Variants in RPAP1 observed in about 807,000 individuals in gnomAD.
The protein encoded by RPAP1 is RNA polymerase II-associated protein 1.
A neutral mutation model predicts 142.4 loss-of-function variants in RPAP1; 109 were observed. That is an observed-to-expected ratio of 0.77 (90% CI 0.66 to 0.90). RPAP1 has a LOEUF of 0.90. RPAP1 is among the 40% of genes least tolerant of loss of function. RPAP1 has a pLI of 0.00. For synonymous variants in RPAP1, 704 were observed against 738.9 expected (o/e 0.95, Z 0.77); for missense variants, 1,546 against 1,751.7 (o/e 0.88, Z 2.10).
chr15:41,535,990 A>G (rs1485136612), intron 4 of RPAP1, 139 bp downstream of exon 4: 1 of 646,580 alleles, frequency 1.5e-6, no homozygotes, highest in East Asian at 2.8e-5. Context: ...AAAAGAAGTA[A>G]TGGGTATGAA....
intron 4 of RPAP1, 146 bp from the exon 5 acceptor site, chr15:41,535,778 G>C (rs961883670): frequency 8.2e-7 from 1 of 1,213,866 alleles, no homozygotes; most frequent in Non-Finnish European, 1.1e-6. Flanking sequence ...TCAGAAAAAG[G>C]AGAGGTCTAT....
At position 41,528,035 on chromosome 15, in the gene RPAP1, C is replaced by T; in HGVS notation, c.1261-8G>A. On this transcript the variant is annotated splice_polypyrimidine_tract_variant and splice_region_variant and intron_variant, in intron 10 of 24. Coordinates refer to ENST00000304330, the MANE Select transcript of RPAP1 (RefSeq NM_015540.4). The stretch of plus-strand genomic sequence containing the variant: ...AAACTCACCAGCCTGGGCCTGAGGG[C>T]AGGAGGGTAAAACCTTGCTGAAGAT... The T allele has an allele frequency of 1.2e-6, 2 of 1,613,348 alleles. No individual in the cohort carries two copies. Among genetic ancestry groups the T allele is most frequent in the African/African-American group, 1.3e-5 (1 of 75,020 alleles).
chr15:41,534,402 G>C (rs2140782782), intron 6 of RPAP1, among the ~76,000 whole-genome samples: 1 of 150,040 alleles, frequency 6.7e-6, no homozygotes, highest in East Asian at 2.0e-4. Context: ...TAGGCAACAA[G>C]AGTGAAACTC....
chr15:41,526,277 G>A (rs1044004464), intron 14 of RPAP1, among the ~76,000 whole-genome samples: 2 of 152,118 alleles, frequency 1.3e-5, no homozygotes, highest in Admixed American at 1.3e-4. Flanking sequence ...ACGGGGTCTC[G>A]CCCTGTTGCC....
chr15:41,536,636 CA>C lies in RPAP1; in HGVS notation c.194del (p.Leu65CysfsTer31). 1.9e-6 allele frequency: 3 copies of C among 1,613,668 alleles called. No individual in the cohort carries two copies. The highest frequency in any genetic ancestry group is 2.5e-6 in the Non-Finnish European group (3 of 1,179,970). ...GAGGAGAAGGGACCAAAGCTGGGGGCAAATCTGGGAGATCTGAGAAAGAAAA... is the reference window on the plus strand; with the variant it reads ...GAGGAGAAGGGACCAAAGCTGGGGGCAATCTGGGAGATCTGAGAAAGAAAA... ...DVVMLDNLPD[L>X]PPALVPSPPK... On this transcript the variant is annotated frameshift_variant, in exon 3 of 25. Coordinates refer to ENST00000304330, the MANE Select transcript of RPAP1 (RefSeq NM_015540.4). LOFTEE classifies it high-confidence loss of function.
At chr15:41,535,067 C>A (rs78765950) in intron 5 of RPAP1, 132 bp from the exon 6 acceptor site, 2 of 809,730 alleles carry the variant, frequency 2.5e-6, no homozygotes, top group Non-Finnish European at 3.8e-6. Flanking sequence ...GTGGAGACCC[C>A]ACTGGGTCTG....
intron 22 of RPAP1, 122 bp downstream of exon 22, chr15:41,520,269 C>T: frequency 8.9e-7 from 1 of 1,126,488 alleles, no homozygotes; most frequent in Non-Finnish European, 1.3e-6. Context: ...TCTTAATCCC[C>T]TCAAAGCCCC....
At position 41,525,079 on chromosome 15, in the gene RPAP1, G is replaced by A. The variant is rs758182197; in HGVS notation, c.1987C>T (p.Pro663Ser). The A allele has an allele frequency of 5.6e-6, 9 of 1,613,900 alleles. No individual in the cohort carries two copies. Among genetic ancestry groups the A allele is most frequent in the South Asian group, 1.1e-5 (1 of 91,086 alleles). The change falls in exon 15 of 25, where the codon CCC becomes TCC. Residue 663 changes from proline to serine, a missense_variant. Coordinates refer to ENST00000304330, the MANE Select transcript of RPAP1 (RefSeq NM_015540.4). Reference protein sequence around the residue: ...IAEAPQELALPPEEAEMLSTE... With the variant: ...IAEAPQELALSPEEAEMLSTE... ...CTCAGCATCTCAGCTTCCTCTGGGG[G>A]CAAGGCCAGTTCTTGGGGAGCCTCA...
chr15:41,536,350 C>A, intron 3 of RPAP1, 132 bp from the exon 4 acceptor site: 1 of 1,312,650 alleles, frequency 7.6e-7, no homozygotes. Context: ...CCCTTCAGGG[C>A]AGTGATTCTA....
At chr15:41,539,517 C>T (rs956821594) in intron 1 of RPAP1, among the ~76,000 whole-genome samples, 8 of 151,874 alleles carry the variant, frequency 5.3e-5, no homozygotes, top group African/African-American at 1.7e-4. Context: ...AGGCTGATCT[C>T]GAACTCCTGA....
In RPAP1 at chr15:41,522,965, A is replaced by G. The variant is rs764196241; in HGVS notation, c.2547-5T>C. 2 of 1,522,776 alleles carry G rather than the reference A, an allele frequency of 1.3e-6. No individual in the cohort carries two copies. Among genetic ancestry groups the G allele is most frequent in the Admixed American group, 4.8e-5 (2 of 41,772 alleles). The allele number at this position is 1,522,776 out of a possible 1,614,324, so 94.3% of individuals were successfully genotyped here. ...TTGCAGAGAAGGGAGCAGTGCCTGT[A>G]GGTGAAGTGGAGAGTCTGAGGGGGA... On this transcript the variant is annotated splice_region_variant and splice_polypyrimidine_tract_variant and intron_variant, in intron 18 of 24. Transcript: ENST00000304330.
At chr15:41,527,686 A>T (rs1290781135) in intron 11 of RPAP1, 81 bp from the exon 12 acceptor site, 3 of 1,488,214 alleles carry the variant, frequency 2.0e-6, no homozygotes, top group Non-Finnish European at 2.7e-6. Context: ...GCTCCCCAAT[A>T]AAAACCATAA....
rs1432408928 is a variant in RPAP1 at position 41,518,199 on chromosome 15, G to A, written c.3796-17C>T. ...CACAGGCAACTGTGACAGGGGAAAT[G>A]ACGTGCTGAGGGGGAGGGTAGGAAT... is the stretch of plus-strand genomic sequence containing the variant. On this transcript the variant is annotated splice_polypyrimidine_tract_variant and intron_variant, in intron 22 of 24. Transcript: ENST00000304330. 2 of 1,551,582 alleles carry A rather than the reference G, an allele frequency of 1.3e-6. No individual in the cohort carries two copies. Among genetic ancestry groups the A allele is most frequent in the South Asian group, 1.2e-5 (1 of 80,682 alleles).
In RPAP1 at chr15:41,522,863, G is replaced by A. The variant is rs774703409; in HGVS notation, c.2644C>T (p.Leu882Phe). 14 of 1,582,714 alleles carry A rather than the reference G, an allele frequency of 8.8e-6. No homozygotes were observed. In the East Asian group the frequency reaches 3.2e-4, roughly 37 times the overall value. The change falls in exon 19 of 25, where the codon CTC becomes TTC. Residue 882 changes from leucine (L) to phenylalanine (F), a missense_variant. Transcript: ENST00000304330. ...SLGCSGGCPR[L>F]SLAGSASPFP... Reference sequence around the variant, plus strand: ...GGTGAGGCTGAGCCAGCCAGACTGAGACGGGGGCAGCCTCCCGAGCAGCCC... The same window carrying A: ...GGTGAGGCTGAGCCAGCCAGACTGAAACGGGGGCAGCCTCCCGAGCAGCCC...
chr15:41,531,148 C>A lies in RPAP1; in HGVS notation c.818G>T (p.Gly273Val). The change falls in exon 7 of 25, where the codon GGA becomes GTA. Residue 273 changes from glycine (G) to valine (V), a missense_variant. Physicochemically the swap from Gly to Val is moderately radical, Grantham distance 109. This residue lies in a region of RPAP1 where 1,333 missense variants were observed against 1,486.6 expected (regional missense o/e 0.90). Transcript: ENST00000304330. Reference sequence around the variant, plus strand: ...CCTCTGCTCCTCAGAGGCTGTCTCTCCTGTTTGCTCTTGCGTGTGGCTGTG... The same window carrying A: ...CCTCTGCTCCTCAGAGGCTGTCTCTACTGTTTGCTCTTGCGTGTGGCTGTG... Reference protein sequence around the residue: ...RSHSHTQEQTGETASEEQRPG... With the variant: ...RSHSHTQEQTVETASEEQRPG... 1 of 1,613,930 alleles carries A rather than the reference C, an allele frequency of 6.2e-7. No individual in the cohort carries two copies. Among genetic ancestry groups the A allele is most frequent in the Non-Finnish European group, 8.5e-7 (1 of 1,179,888 alleles).
chr15:41,522,767 G>A lies in RPAP1; in HGVS notation c.2740C>T (p.Gln914Ter). The change falls in exon 19 of 25, where the codon CAG (glutamine) becomes TAG (stop). Residue 914 changes from glutamine (Q) to a stop codon, truncating the protein, a stop_gained and splice_region_variant. Coordinates refer to ENST00000304330, the MANE Select transcript of RPAP1 (RefSeq NM_015540.4). LOFTEE classifies it high-confidence loss of function. ...CTAATCAGGCACCCCACACTTACCT[G>A]GCCACACAGCCCCTTGTGGATCTGG... ...LAQIHKGLCG[Q>*]LAAILAAPGL... 1 of 1,545,580 alleles carries A rather than the reference G, an allele frequency of 6.5e-7. No homozygotes were observed. Among genetic ancestry groups the A allele is most frequent in the Non-Finnish European group, 8.6e-7 (1 of 1,157,730 alleles).
intron 2 of RPAP1, 69 bp from the exon 3 acceptor site, chr15:41,536,718 A>T: frequency 6.4e-7 from 1 of 1,560,104 alleles, no homozygotes; most frequent in Non-Finnish European, 8.7e-7. Context: ...AGGCTAGGGA[A>T]GAAAGACAGC....
intron 4 of RPAP1, 71 bp from the exon 5 acceptor site, chr15:41,535,703 A>C (rs1276391555): frequency 3.8e-6 from 6 of 1,565,634 alleles, no homozygotes; most frequent in Non-Finnish European, 5.2e-6. Flanking sequence ...TCTTTATATC[A>C]AGGCCTCTGG....
At chr15:41,529,710 G>A (rs1187261545) in intron 8 of RPAP1, 142 bp from the exon 9 acceptor site, 1 of 837,300 alleles carries the variant, frequency 1.2e-6, no homozygotes, top group East Asian at 2.7e-5. Context: ...GGCCTTGGGG[G>A]CCAGGCAGAG....
Sources: allele counts gnomAD v4.1 joint callset (sites outside exome capture counted in the v4.1 genomes callset), GRCh38; gene constraint gnomAD v4.1.1; regional missense constraint gnomAD v4.1.1; transcripts MANE v1.5; gene names NCBI Gene and HGNC (gene_info 2026-07-23, HGNC 2026-07-21).